TRPC5: variants seen among roughly 807,000 people sequenced by gnomAD.
TRPC5 encodes short transient receptor potential channel 5.
TRPC5 carries 9 observed loss-of-function variants against 56.5 expected under a neutral mutation model. The observed-to-expected ratio is 0.16, with a 90% CI of 0.10 to 0.28. The LOEUF (loss-of-function observed/expected upper bound fraction) is 0.28. Ranked by LOEUF, TRPC5 falls within the 10% of genes least tolerant of loss-of-function variation. The pLI is 1.00. For synonymous variants in TRPC5, 282 were observed against 278.5 expected (o/e 1.01, Z -0.13); for missense variants, 469 against 748.9 (o/e 0.63, Z 4.36).
At position 111,912,647 on chromosome X, in the gene TRPC5, C is replaced by A. The variant is rs771546935; in HGVS notation, c.544G>T (p.Val182Leu). Residue 182 changes from valine (V) to leucine (L), a missense_variant, in exon 3 of 11, where the codon GTG (valine) becomes TTG (leucine). Physicochemically the swap from Val to Leu is conservative, Grantham distance 32. Coordinates refer to ENST00000262839, the MANE Select transcript of TRPC5 (RefSeq NM_012471.3). ...AGGCTGTCTACCTCTGAACTAGACA[C>A]ACACTCCACACAGTTGCAGCGGATC... ...HQIRCNCVEC[V>L]SSSEVDSLRH... 1.7e-6 allele frequency: 2 copies of A among 1,209,179 alleles called. No individual in the cohort carries two copies. The highest frequency in any genetic ancestry group is 3.5e-5 in the African/African-American group (2 of 56,850).
chrX:111,794,559 T>A (rs1937888044), intron 7 of TRPC5, among the ~76,000 whole-genome samples: 1 of 112,126 alleles, frequency 8.9e-6, no homozygotes, highest in African/African-American at 3.2e-5. Flanking sequence ...TTGCAGTGAT[T>A]GTCAATGAGA....
chrX:112,037,274 C>A (rs1929770201), intron 1 of TRPC5, among the ~76,000 whole-genome samples: 1 of 111,162 alleles, frequency 9.0e-6, no homozygotes, highest in African/African-American at 3.3e-5. Context: ...CCTACTTATC[C>A]TTTTTTCACA....
At chrX:111,900,279 C>T (rs775423436) in intron 3 of TRPC5, among the ~76,000 whole-genome samples, 1 of 111,803 alleles carries the variant, frequency 8.9e-6, no homozygotes, top group African/African-American at 3.2e-5. Flanking sequence ...TAGATGACTA[C>T]TTCCTAAGAC....
intron 1 of TRPC5, among the ~76,000 whole-genome samples, chrX:112,059,991 T>C (rs752696627): frequency 8.9e-6 from 1 of 112,253 alleles, no homozygotes; most frequent in East Asian, 2.8e-4. Flanking sequence ...TAAACAAATA[T>C]TCCAGCTGAA....
intron 1 of TRPC5, among the ~76,000 whole-genome samples, chrX:112,009,044 C>T (rs1928922207): frequency 9.0e-6 from 1 of 111,637 alleles, no homozygotes; most frequent in Non-Finnish European, 1.9e-5. Flanking sequence ...TTCTCAAATG[C>T]TGCCCTAGCG....
In TRPC5 at chrX:111,947,196, G is replaced by A. The variant is rs1002911477; in HGVS notation, c.378+4847C>T. Reference sequence around the variant, plus strand: ...CTGGGAATCCTGACTTACTCAGACTGCTAGGGAAGCAGTGTGGCTTAGTGG... The same window carrying A: ...CTGGGAATCCTGACTTACTCAGACTACTAGGGAAGCAGTGTGGCTTAGTGG... On this transcript the variant is annotated intron_variant, in intron 2 of 10. Transcript: ENST00000262839. Among the ~76,000 whole-genome samples, 6 of 111,741 alleles carry A rather than the reference G, an allele frequency of 5.4e-5. No homozygotes were observed. In the East Asian group the frequency reaches 1.4e-3, roughly 26 times the overall value.
At chrX:111,827,930 C>A (rs771211725) in intron 7 of TRPC5, among the ~76,000 whole-genome samples, 1 of 111,687 alleles carries the variant, frequency 9.0e-6, no homozygotes, top group South Asian at 3.8e-4. Flanking sequence ...GACTCCATCT[C>A]CTACTTCCCT....
chrX:112,018,894 C>T (rs1929196000), intron 1 of TRPC5, among the ~76,000 whole-genome samples: 2 of 112,069 alleles, frequency 1.8e-5, no homozygotes, highest in Non-Finnish European at 3.8e-5. Flanking sequence ...GACCTCTCAG[C>T]TCCTAGAAGC....
At chrX:111,790,882 A>G (rs1488367291) in intron 7 of TRPC5, among the ~76,000 whole-genome samples, 4 of 108,851 alleles carry the variant, frequency 3.7e-5, no homozygotes, top group Non-Finnish European at 7.6e-5. Flanking sequence ...TTAGCTGGGT[A>G]TGGTGGCTCG....
intron 3 of TRPC5, among the ~76,000 whole-genome samples, chrX:111,889,623 C>T (rs1467384903): frequency 9.0e-6 from 1 of 111,702 alleles, no homozygotes. Flanking sequence ...AAAATGCTAA[C>T]CCTTGGCTCC....
Position 111,770,796 on chromosome X carries a change from G to A in TRPC5, c.*5517C>T, listed in dbSNP as rs768520960. Among the ~76,000 whole-genome samples, 2 of 111,604 alleles carry A rather than the reference G, an allele frequency of 1.8e-5. No homozygotes were observed. Among genetic ancestry groups the A allele is most frequent in the Non-Finnish European group, 3.8e-5 (2 of 53,146 alleles). ...AATTGGTGGCAATGAGTATTTTGGG[G>A]ATATATTGAACTTCTGGGAAAAGAT... On this transcript the variant is annotated 3_prime_UTR_variant, in exon 11 of 11. Coordinates refer to ENST00000262839, the MANE Select transcript of TRPC5 (RefSeq NM_012471.3).
chrX:111,873,553 C>T (rs1171424996), intron 3 of TRPC5, among the ~76,000 whole-genome samples: 2 of 110,864 alleles, frequency 1.8e-5, no homozygotes, highest in East Asian at 2.8e-4. Context: ...GAGGCTAACG[C>T]GGGTGGATTA....
chrX:111,854,707 G>A (rs1209434255), intron 3 of TRPC5, among the ~76,000 whole-genome samples: 1 of 112,209 alleles, frequency 8.9e-6, no homozygotes, highest in Non-Finnish European at 1.9e-5. Context: ...GCCCATGCCT[G>A]TAGCTAGGGT....
At chrX:111,844,313 C>T (rs1426370481) in intron 6 of TRPC5, among the ~76,000 whole-genome samples, 1 of 110,894 alleles carries the variant, frequency 9.0e-6, no homozygotes, top group East Asian at 2.8e-4. Context: ...CTCTTGACAG[C>T]AGGTGAAGGC....
chrX:111,993,744 G>C (rs982235300), intron 1 of TRPC5, among the ~76,000 whole-genome samples: 1 of 111,893 alleles, frequency 8.9e-6, no homozygotes, highest in African/African-American at 3.3e-5. Context: ...CTTTTTGATG[G>C]GGTTGTTTGT....
At chrX:111,897,020 G>A (rs1477227575) in intron 3 of TRPC5, among the ~76,000 whole-genome samples, 1 of 111,980 alleles carries the variant, frequency 8.9e-6, no homozygotes, top group African/African-American at 3.2e-5. Context: ...ATGGTTTAGC[G>A]TACACAAACT....
At chrX:111,849,430 A>G (rs770312255) in intron 5 of TRPC5, among the ~76,000 whole-genome samples, 20 of 112,682 alleles carry the variant, frequency 1.8e-4, no homozygotes, top group African/African-American at 5.8e-4. Flanking sequence ...TATGGTTCCC[A>G]TCACAACTAC....
chrX:112,009,889 T>C (rs909345838), intron 1 of TRPC5, among the ~76,000 whole-genome samples: 4 of 111,310 alleles, frequency 3.6e-5, no homozygotes, highest in African/African-American at 6.6e-5. Flanking sequence ...GAGATATACC[T>C]AATGTAAACG....
chrX:111,919,674 T>A (rs1248774488), intron 2 of TRPC5, among the ~76,000 whole-genome samples: 1 of 112,287 alleles, frequency 8.9e-6, no homozygotes, highest in Admixed American at 9.4e-5. Flanking sequence ...AGATTGTGTG[T>A]GTATTTTCTA....
Sources: allele counts gnomAD v4.1 joint callset (sites outside exome capture counted in the v4.1 genomes callset), GRCh38; gene constraint gnomAD v4.1.1; transcripts MANE v1.5; gene names NCBI Gene and HGNC (gene_info 2026-07-23, HGNC 2026-07-21).